The following SLCO3A1 variants were observed in gnomAD, a reference collection of about 807,000 sequenced individuals.
SLCO3A1 encodes solute carrier organic anion transporter family member 3A1, also known as PGE1 transporter.
In SLCO3A1, 27 loss-of-function variants were observed where a neutral mutation model predicts 63.1. That is an observed-to-expected ratio of 0.43 (90% CI 0.32 to 0.59). The LOEUF is 0.59. SLCO3A1 is among the 20% of genes least tolerant of loss of function. The probability of loss-of-function intolerance (pLI) is 0.09; values close to 1 mark genes in which losing one functional copy is unlikely to be tolerated. For synonymous variants in SLCO3A1, 473 were observed against 409.9 expected (o/e 1.15, Z -1.86); for missense variants, 773 against 945.8 (o/e 0.82, Z 2.40).
intron 1 of SLCO3A1, among the ~76,000 whole-genome samples, chr15:91,890,830 C>G (rs1187554330): frequency 6.6e-6 from 1 of 152,330 alleles, no homozygotes; most frequent in South Asian, 2.1e-4. Flanking sequence ...GTGTGACTCA[C>G]TGATGCCTCA....
chr15:92,146,798 ATATTCCTTTATTTAT>A (rs2048230655), intron 7 of SLCO3A1, among the ~76,000 whole-genome samples, 171 bp from the exon 8 acceptor site: 1 of 151,778 alleles, frequency 6.6e-6, no homozygotes, highest in Non-Finnish European at 1.5e-5. Flanking sequence ...CTCCCCGTAA[ATATTCCTTTATTTAT>A]GTGTGTTTTG....
chr15:91,987,611 C>T lies in SLCO3A1; in HGVS notation c.646+71153C>T, dbSNP rs906487675. 1.4e-4 allele frequency among the ~76,000 whole-genome samples: 21 copies of T among 151,754 alleles called. 1 individual carries two copies. Among genetic ancestry groups the T allele is most frequent in the Admixed American group, 8.5e-4 (13 of 15,240 alleles). On this transcript the variant is annotated intron_variant, in intron 2 of 9. Coordinates refer to ENST00000318445, the MANE Select transcript of SLCO3A1 (RefSeq NM_013272.4). ...TACAAAAATTAGCCGGGTGTGGTGG[C>T]GGGCACCTGTAACCCCAGCTGCTAG...
intron 9 of SLCO3A1, among the ~76,000 whole-genome samples, chr15:92,158,089 T>A (rs2048394154): frequency 6.6e-6 from 1 of 152,182 alleles, no homozygotes; most frequent in Admixed American, 6.5e-5. Flanking sequence ...AAGCATAGTA[T>A]CTGCTATTAC....
chr15:92,121,934 G>T (rs1189094285), intron 5 of SLCO3A1, among the ~76,000 whole-genome samples: 1 of 152,234 alleles, frequency 6.6e-6, no homozygotes, highest in East Asian at 1.9e-4. Context: ...TGAAGTGGCA[G>T]CGGTGGCACC....
chr15:92,167,324 A>G (rs889623593), downstream of SLCO3A1, among the ~76,000 whole-genome samples: 4 of 152,200 alleles, frequency 2.6e-5, no homozygotes, highest in Admixed American at 6.5e-5. Flanking sequence ...ACCATGATCC[A>G]TGTTTCCTTT....
At chr15:91,980,485 G>C (rs2045971721) in intron 2 of SLCO3A1, among the ~76,000 whole-genome samples, 2 of 151,718 alleles carry the variant, frequency 1.3e-5, no homozygotes, top group East Asian at 3.9e-4. Flanking sequence ...AGGGGAGAAG[G>C]GGGTACTCAG....
At chr15:92,064,106 G>A (rs2047119822) in intron 2 of SLCO3A1, among the ~76,000 whole-genome samples, 1 of 152,140 alleles carries the variant, frequency 6.6e-6, no homozygotes, top group Non-Finnish European at 1.5e-5. Context: ...TAACACTAGA[G>A]ATAGTCTCCT....
intron 2 of SLCO3A1, among the ~76,000 whole-genome samples, chr15:92,093,904 G>A (rs147038617): frequency 3.6e-4 from 55 of 152,266 alleles, no homozygotes; most frequent in South Asian, 1.5e-3. Flanking sequence ...CCAGGTGCCC[G>A]TGTGGCCTGT....
chr15:91,931,002 G>A (rs1236635534), intron 2 of SLCO3A1, among the ~76,000 whole-genome samples: 3 of 152,220 alleles, frequency 2.0e-5, no homozygotes, highest in African/African-American at 4.8e-5. Context: ...AACAGGAAGG[G>A]CAAAATGAAA....
chr15:92,108,299 C>A lies in SLCO3A1; in HGVS notation c.1009+3757C>A, dbSNP rs147779137. Among the ~76,000 whole-genome samples, 1,185 of 152,358 alleles carry A rather than the reference C, an allele frequency of 7.8e-3. 9 individuals are homozygous for A. Among genetic ancestry groups the A allele is most frequent in the Non-Finnish European group, 0.012 (833 of 68,038 alleles). ...GCACATTTTTACTTCTCAGCTGCGC[C>A]ACCAAATAACTTTTCCTTTAAGACC... On this transcript the variant is annotated intron_variant, in intron 4 of 9. Transcript: ENST00000318445.
At chr15:91,917,480 C>G (rs887771076) in intron 2 of SLCO3A1, among the ~76,000 whole-genome samples, 5 of 152,184 alleles carry the variant, frequency 3.3e-5, no homozygotes, top group Admixed American at 6.5e-5. Context: ...AGATTTTTCT[C>G]TGTGTCTTTC....
At chr15:91,973,885 A>C (rs1167663004) in intron 2 of SLCO3A1, among the ~76,000 whole-genome samples, 6 of 152,154 alleles carry the variant, frequency 3.9e-5, no homozygotes, top group Admixed American at 3.9e-4. Flanking sequence ...AAAGTTACAA[A>C]CTATATCCAG....
intron 7 of SLCO3A1, among the ~76,000 whole-genome samples, chr15:92,135,984 A>G (rs543902623): frequency 1.4e-3 from 215 of 152,288 alleles, no homozygotes; most frequent in Non-Finnish European, 2.5e-3. Context: ...CTTGGGCAAC[A>G]TAGTGAGACC....
In SLCO3A1 at chr15:91,862,529, T is replaced by C. The variant is rs1288037441; in HGVS notation, c.180+8441T>C. 6.6e-6 allele frequency among the ~76,000 whole-genome samples: 1 copy of C among 152,192 alleles called. No homozygotes were observed. Among genetic ancestry groups the C allele is most frequent in the South Asian group, 2.1e-4 (1 of 4,826 alleles). On this transcript the variant is annotated intron_variant, in intron 1 of 9. Transcript: ENST00000318445. The surrounding 1 kb of genome is among the most constrained non-coding windows in gnomAD (Gnocchi z 4.0). ...CCACATTTGTTCTGCCAGGTTGTCCTTTGGGACAACTTTTGGGTGTCTGGA... is the reference window on the plus strand; with the variant it reads ...CCACATTTGTTCTGCCAGGTTGTCCCTTGGGACAACTTTTGGGTGTCTGGA...
chr15:91,889,761 C>G (rs1370222510), intron 1 of SLCO3A1, among the ~76,000 whole-genome samples: 2 of 152,178 alleles, frequency 1.3e-5, no homozygotes, highest in Non-Finnish European at 2.9e-5. Context: ...GCTCTTTTTC[C>G]ATAGGTTGTT....
rs138700775 is a variant in SLCO3A1 at position 92,069,440 on chromosome 15, A to G, written c.647-25441A>G. Among the ~76,000 whole-genome samples, 115 of 152,374 alleles carry G rather than the reference A, an allele frequency of 7.5e-4. 1 individual carries two copies. Among genetic ancestry groups the G allele is most frequent in the African/African-American group, 2.5e-3 (104 of 41,592 alleles). ...TTCTCACTGAAAGGTCATGCCCTTCATGCAGTGACCTGCTTCTGCAAGGAC... is the reference window on the plus strand; with the variant it reads ...TTCTCACTGAAAGGTCATGCCCTTCGTGCAGTGACCTGCTTCTGCAAGGAC... On this transcript the variant is annotated intron_variant, in intron 2 of 9. Coordinates refer to ENST00000318445, the MANE Select transcript of SLCO3A1 (RefSeq NM_013272.4).
chr15:92,119,931 T>C (rs77092578), intron 4 of SLCO3A1, among the ~76,000 whole-genome samples: 1 of 152,188 alleles, frequency 6.6e-6, no homozygotes, highest in Non-Finnish European at 1.5e-5. Context: ...TTATTAGGCA[T>C]GTACACATTT....
rs567671897 is a variant in SLCO3A1, at chr15:92,145,916, G to C, written c.1513-1068G>C. On this transcript the variant is annotated intron_variant, in intron 7 of 9. Coordinates refer to ENST00000318445, the MANE Select transcript of SLCO3A1 (RefSeq NM_013272.4). ...GGTTTGGGGCACATGAACACTTTCA[G>C]ACACCCCTGAAACCATCCCATATAG... Among the ~76,000 whole-genome samples the C allele has an allele frequency of 5.9e-5, 9 of 151,974 alleles. No individual in the cohort carries two copies. In the South Asian group the frequency reaches 1.9e-3, roughly 32 times the overall value.
At chr15:92,061,164 A>C (rs1391111587) in intron 2 of SLCO3A1, among the ~76,000 whole-genome samples, 2 of 152,174 alleles carry the variant, frequency 1.3e-5, no homozygotes, top group Non-Finnish European at 2.9e-5. Flanking sequence ...CTACCTTTGC[A>C]CTGGGGTCTG....
Sources: gnomAD v4.1 joint callset for allele counts (sites outside exome capture counted in the v4.1 genomes callset) on GRCh38, gnomAD v4.1.1 for gene constraint, Gnocchi (gnomAD v3.1) non-coding constraint, MANE v1.5 for transcripts, NCBI Gene and HGNC (gene_info 2026-07-23, HGNC 2026-07-21) for gene names.